ZNF506: variants seen among roughly 807,000 people sequenced by gnomAD.
The protein encoded by ZNF506 is zinc finger protein 506.
In ZNF506, 10 loss-of-function variants were observed where a neutral mutation model predicts 11.6. The ratio of observed to expected loss-of-function variants is 0.86; its 90% confidence interval spans 0.53 to 1.46. ZNF506 has a LOEUF of 1.46. ZNF506 is among the 40% of genes most tolerant of loss of function. The pLI is 0.00. For synonymous variants in ZNF506, 156 were observed against 173.3 expected (o/e 0.90, Z 0.78); for missense variants, 425 against 521.2 (o/e 0.82, Z 1.80).
At chr19:19,803,576 C>T (rs1405451507) in intron 3 of ZNF506, among the ~76,000 whole-genome samples, 3 of 152,208 alleles carry the variant, frequency 2.0e-5, no homozygotes, top group Non-Finnish European at 4.4e-5. Flanking sequence ...ATTACAACTA[C>T]CCAAGTCCCT....
At chr19:19,808,812 C>G (rs991717835) in intron 1 of ZNF506, among the ~76,000 whole-genome samples, 4 of 141,530 alleles carry the variant, frequency 2.8e-5, no homozygotes, top group African/African-American at 1.1e-4. Context: ...TACTATACCC[C>G]TGGCCTTGGT....
chr19:19,808,488 A>T (rs894078735), intron 1 of ZNF506, among the ~76,000 whole-genome samples: 2 of 151,878 alleles, frequency 1.3e-5, no homozygotes, highest in African/African-American at 4.8e-5. Context: ...AGAAGAACAC[A>T]GCATCACTGT....
rs116637064 is a variant in ZNF506, at chr19:19,795,338, G to C, written c.549C>G (p.Asn183Lys). Residue 183 changes from asparagine (N) to lysine (K), a missense_variant, in exon 4 of 4, where the codon AAC (asparagine) becomes AAG (lysine). By Grantham distance (94) the Asn-to-Lys change is moderately conservative. Coordinates refer to ENST00000540806, the MANE Select transcript of ZNF506 (RefSeq NM_001099269.3). ...TATATGTAGTACGGGTTGAAGACTG[G>C]TTAAAAGTTTTCCCATATTCTATAC... ...FKCIEYGKTFNQSSTRTTYKK... is the reference protein window; with the variant it reads ...FKCIEYGKTFKQSSTRTTYKK... 5.9e-4 allele frequency: 945 copies of C among 1,613,314 alleles called. 6 individuals carry two copies. In the African/African-American group the frequency reaches 0.011, roughly 18 times the overall value.
intron 3 of ZNF506, among the ~76,000 whole-genome samples, chr19:19,800,410 A>ATATATATATATATATATATATATT (rs2062781954): frequency 1.5e-5 from 2 of 136,492 alleles, no homozygotes; most frequent in East Asian, 2.5e-4. Context: ...ATATATATAT[A>ATATATATATATATATATATATATT]TATTTATATA....
intron 2 of ZNF506, 70 bp downstream of exon 2, chr19:19,806,872 A>G (rs891533271): frequency 3.2e-6 from 5 of 1,542,782 alleles, no homozygotes; most frequent in Non-Finnish European, 4.4e-6. Flanking sequence ...TTACTAAAAA[A>G]CATTCTACAA....
rs1284232184 is a variant in ZNF506 at position 19,795,968 on chromosome 19, C to T, written c.227-308G>A. Reference sequence around the variant, plus strand: ...ACCCAACACAGCTCTTCCTGCTCTCCAGTATAACATTGTGCCTTTAAAAGT... The same window carrying T: ...ACCCAACACAGCTCTTCCTGCTCTCTAGTATAACATTGTGCCTTTAAAAGT... On this transcript the variant is annotated intron_variant, in intron 3 of 3. Coordinates refer to ENST00000540806, the MANE Select transcript of ZNF506 (RefSeq NM_001099269.3). The T allele has an allele frequency of 1.4e-5, 5 of 347,922 alleles. No individual in the cohort carries two copies. The East Asian group carries it at 3.3e-4, about 23-fold the overall frequency. 21.6% of individuals were successfully genotyped at this position (347,922 alleles called of 1,614,324 possible).
chr19:19,798,883 G>A (rs1022812446), intron 3 of ZNF506: 1 of 151,698 alleles, frequency 6.6e-6, no homozygotes, highest in African/African-American at 2.4e-5. Flanking sequence ...TTCTAAAAAG[G>A]CTCATTAAAA....
At chr19:19,811,785 A>T (rs576421922) in intron 1 of ZNF506, among the ~76,000 whole-genome samples, 11 of 152,032 alleles carry the variant, frequency 7.2e-5, no homozygotes, top group African/African-American at 1.7e-4. Flanking sequence ...TCAAAAATAT[A>T]AAAAAAAGGA....
intron 1 of ZNF506, among the ~76,000 whole-genome samples, chr19:19,809,538 G>C (rs1365232546): frequency 1.3e-5 from 2 of 152,100 alleles, no homozygotes; most frequent in African/African-American, 2.4e-5. Flanking sequence ...TCTGCATCTT[G>C]AGAATATGCT....
Position 19,794,723 on chromosome 19 carries a change from C to T in ZNF506, c.1164G>A (p.Lys388=), listed in dbSNP as rs1397983064. Residue 388 remains lysine (K), a synonymous_variant, in exon 4 of 4, where the codon AAG becomes AAA. Transcript: ENST00000540806. Reference sequence around the variant, plus strand: ...ACGGTTTCTCTCCAGTATGAATTATCTTATGTTCAGTTAGAGTTGAGAATG... The same window carrying T: ...ACGGTTTCTCTCCAGTATGAATTATTTTATGTTCAGTTAGAGTTGAGAATG... ...FTAFSTLTEH[K]IIHTGEKPYK... 1 of 1,613,860 alleles carries T rather than the reference C, an allele frequency of 6.2e-7. No individual in the cohort carries two copies. Among genetic ancestry groups the T allele is most frequent in the Non-Finnish European group, 8.5e-7 (1 of 1,179,976 alleles).
At chr19:19,796,892 A>T (rs1282357653) in intron 3 of ZNF506, 1 of 152,214 alleles carries the variant, frequency 6.6e-6, no homozygotes, top group Non-Finnish European at 1.5e-5. Flanking sequence ...CGATTTAACT[A>T]AACAACACAA....
At chr19:19,815,645 T>C (rs192945695) in intron 1 of ZNF506, among the ~76,000 whole-genome samples, 7 of 152,324 alleles carry the variant, frequency 4.6e-5, no homozygotes, top group African/African-American at 9.6e-5. Context: ...CACTAACTTA[T>C]TGTCTCACAT....
At chr19:19,806,373 C>T in intron 2 of ZNF506, 1 of 214,312 alleles carries the variant, frequency 4.7e-6, no homozygotes, top group South Asian at 7.4e-5. Flanking sequence ...TCTCCTGTCT[C>T]AGCCTCCTGA....
chr19:19,813,914 G>A (rs2062905502), intron 1 of ZNF506, among the ~76,000 whole-genome samples: 1 of 152,056 alleles, frequency 6.6e-6, no homozygotes, highest in African/African-American at 2.4e-5. Context: ...GGAAGTTGAG[G>A]CTAAAGTAAT....
chr19:19,794,451 G>A lies in ZNF506; in HGVS notation c.*101C>T. 1 of 1,168,668 alleles carries A rather than the reference G, an allele frequency of 8.6e-7. No homozygotes were observed. Among genetic ancestry groups the A allele is most frequent in the Non-Finnish European group, 1.2e-6 (1 of 829,824 alleles). The allele number at this position is 1,168,668 out of a possible 1,614,324, so 72.4% of individuals were successfully genotyped here. A position where few individuals can be genotyped will look rare whatever the true frequency, so the allele number is the denominator to read the frequency against. ...TTTGTCACATTCTTTATATTTGTAGGGTTTATGTTCCATATAAATTCTCAT... is the reference window on the plus strand; with the variant it reads ...TTTGTCACATTCTTTATATTTGTAGAGTTTATGTTCCATATAAATTCTCAT... On this transcript the variant is annotated 3_prime_UTR_variant, in exon 4 of 4. Transcript: ENST00000540806.
chr19:19,799,280 C>T (rs2062771085), intron 3 of ZNF506: 2 of 402,530 alleles, frequency 5.0e-6, no homozygotes, highest in Non-Finnish European at 8.8e-6. Context: ...ATTTCAATAC[C>T]CCACTTTCTG....
At chr19:19,819,533 T>C (rs554962266) in intron 1 of ZNF506, among the ~76,000 whole-genome samples, 1 of 152,190 alleles carries the variant, frequency 6.6e-6, no homozygotes, top group South Asian at 2.1e-4. Flanking sequence ...GACATAGCCA[T>C]GGTGGGTATC....
intron 1 of ZNF506, among the ~76,000 whole-genome samples, chr19:19,817,713 T>A (rs1220226561): frequency 6.6e-6 from 1 of 152,188 alleles, no homozygotes; most frequent in Non-Finnish European, 1.5e-5. Context: ...TTGGAGTCAC[T>A]AGGTTCAAGC....
Position 19,794,810 on chromosome 19 carries a change from ATGT to A in ZNF506, c.1074_1076del (p.Lys358_His359delinsAsn). 1.2e-6 allele frequency: 2 copies of A among 1,613,954 alleles called. No individual in the cohort carries two copies. The highest frequency in any genetic ancestry group is 2.2e-5 in the South Asian group (2 of 91,070). On this transcript the variant is annotated inframe_deletion, in exon 4 of 4. Coordinates refer to ENST00000540806, the MANE Select transcript of ZNF506 (RefSeq NM_001099269.3). ...GTTTCTCTCCAGTATGAGCTCTCTT[ATGT>A]TTAGAGAGGCTTGAGTACCAGGTAA...
Sources: allele counts gnomAD v4.1 joint callset (sites outside exome capture counted in the v4.1 genomes callset), GRCh38; gene constraint gnomAD v4.1.1; transcripts MANE v1.5; gene names NCBI Gene and HGNC (gene_info 2026-07-23, HGNC 2026-07-21).